Variants in SHANK2 observed in about 807,000 individuals in gnomAD.
SHANK2 encodes SH3 and multiple ankyrin repeat domains protein 2.
Under a neutral mutation model 133.7 loss-of-function variants are expected in SHANK2, and 43 were observed. The observed-to-expected ratio is 0.32, with a 90% CI of 0.25 to 0.41. The LOEUF (loss-of-function observed/expected upper bound fraction) is 0.41, where lower values mean the gene tolerates loss of function less well. Ranked by LOEUF, SHANK2 falls within the 10% of genes least tolerant of loss-of-function variation. The probability of loss-of-function intolerance (pLI) is 1.00; values close to 1 mark genes in which losing one functional copy is unlikely to be tolerated. For missense variants in SHANK2, 1,994 were observed against 2,235.8 expected, an observed-to-expected ratio of 0.89 and a Z score of 2.18; for synonymous variants, 1,017 against 952.8, an observed-to-expected ratio of 1.07 and a Z score of -1.24.
chr11:71,119,099 G>T (rs1415030483), intron 3 of SHANK2, 67 bp from the exon 4 acceptor site: 2 of 1,433,526 alleles, frequency 1.4e-6, no homozygotes, highest in Non-Finnish European at 1.9e-6. Context: ...CATGTGGGGC[G>T]CGTGGTCAGA....
intron 17 of SHANK2, among the ~76,000 whole-genome samples, chr11:70,572,023 G>T (rs1430940036): frequency 6.6e-6 from 1 of 152,320 alleles, no homozygotes; most frequent in South Asian, 2.1e-4. Context: ...CAGAGAGCTC[G>T]CTTCCACTTT....
intron 25 of SHANK2, among the ~76,000 whole-genome samples, chr11:70,481,653 C>T (rs1555151649): frequency 6.6e-6 from 1 of 152,218 alleles, no homozygotes; most frequent in African/African-American, 2.4e-5. Context: ...TTCAATTTTC[C>T]CTAGAAAAAC....
intron 2 of SHANK2, among the ~76,000 whole-genome samples, chr11:71,189,368 T>G (rs1279620253): frequency 4.6e-5 from 7 of 152,198 alleles, no homozygotes; most frequent in Non-Finnish European, 8.8e-5. Flanking sequence ...AGTTTCTCAG[T>G]AGAGAGAGTC....
chr11:70,599,919 G>GAC (rs1565166461), intron 17 of SHANK2, among the ~76,000 whole-genome samples: 1 of 59,170 alleles, frequency 1.7e-5, no homozygotes, highest in South Asian at 4.4e-4. Flanking sequence ...AAGAAAGAAA[G>GAC]AAAGAAAGAA....
intron 11 of SHANK2, among the ~76,000 whole-genome samples, chr11:70,887,358 A>AT (rs782434780): frequency 1.5e-5 from 1 of 67,590 alleles, no homozygotes; most frequent in Non-Finnish European, 2.8e-5. Flanking sequence ...CAGAGGTCCC[A>AT]TTTAATTTTT....
At chr11:70,862,167 G>A (rs1949269826) in intron 11 of SHANK2, among the ~76,000 whole-genome samples, 1 of 152,148 alleles carries the variant, frequency 6.6e-6, no homozygotes, top group Non-Finnish European at 1.5e-5. Context: ...TGGCACACCT[G>A]CCCAGTGCCC....
rs57633994 is a variant in SHANK2 at position 70,808,848 on chromosome 11, C to T, written c.1494-1677G>A. 9.1e-3 allele frequency among the ~76,000 whole-genome samples: 1,387 copies of T among 152,290 alleles called. 14 individuals carry two copies. The highest frequency in any genetic ancestry group is 0.031 in the African/African-American group (1,300 of 41,562). On this transcript the variant is annotated intron_variant, in intron 12 of 25. Transcript: ENST00000601538. The stretch of plus-strand genomic sequence containing the variant: ...CACTGTGAGCGTCAGTCACACTGGA[C>T]GAGGAAGCACCCAGGGCCTTCCATC...
chr11:70,860,485 G>A (rs1949241911), intron 11 of SHANK2, among the ~76,000 whole-genome samples: 1 of 152,224 alleles, frequency 6.6e-6, no homozygotes. Context: ...CCAACAGAGT[G>A]TGTATTTCGT....
intron 14 of SHANK2, among the ~76,000 whole-genome samples, chr11:70,718,700 C>CTTTT (rs60414874): frequency 4.6e-5 from 6 of 129,814 alleles, no homozygotes; most frequent in African/African-American, 1.6e-4. Context: ...AGCTCATTCT[C>CTTTT]TTTTTTTTTT....
At chr11:70,939,734 C>T (rs981067846) in intron 10 of SHANK2, among the ~76,000 whole-genome samples, 4 of 152,148 alleles carry the variant, frequency 2.6e-5, no homozygotes, top group Non-Finnish European at 5.9e-5. Context: ...GCAGCCCTCC[C>T]CGCTGCGTGG....
intron 6 of SHANK2, among the ~76,000 whole-genome samples, chr11:71,100,465 C>T (rs1440895436): frequency 2.6e-5 from 4 of 152,222 alleles, no homozygotes; most frequent in South Asian, 2.1e-4. Flanking sequence ...AGCCACAACA[C>T]GATACGAAGG....
At chr11:71,109,521 G>A (rs549338268) in intron 6 of SHANK2, among the ~76,000 whole-genome samples, 2 of 152,322 alleles carry the variant, frequency 1.3e-5, no homozygotes, top group South Asian at 4.1e-4. Flanking sequence ...TCCAGCAGGG[G>A]AATAAGATGC....
chr11:71,163,205 C>T (rs1391601792), intron 2 of SHANK2, among the ~76,000 whole-genome samples: 2 of 143,460 alleles, frequency 1.4e-5, no homozygotes, highest in East Asian at 3.9e-4. Context: ...GTCTACTTTT[C>T]TGTGTTTATA....
chr11:70,863,188 T>C (rs544120317), intron 11 of SHANK2: 23 of 374,798 alleles, frequency 6.1e-5, no homozygotes, highest in Non-Finnish European at 1.0e-4. Context: ...GTGAGAGAGG[T>C]CCCTGGTCAG....
At chr11:70,657,742 C>T (rs2061421551) in intron 17 of SHANK2, among the ~76,000 whole-genome samples, 2 of 152,198 alleles carry the variant, frequency 1.3e-5, no homozygotes, top group African/African-American at 4.8e-5. Flanking sequence ...GAATATAAAA[C>T]CTGCCCCAAA....
intron 17 of SHANK2, among the ~76,000 whole-genome samples, chr11:70,621,653 T>C (rs1283757712): frequency 6.6e-6 from 1 of 152,212 alleles, no homozygotes; most frequent in Non-Finnish European, 1.5e-5. Context: ...GGAGGTCTGA[T>C]ACGGTAGCCC....
In SHANK2 at chr11:70,846,556, T is replaced by G. The variant is rs374844593; in HGVS notation, c.1175-25874A>C. Among the ~76,000 whole-genome samples, 3 of 152,256 alleles carry G rather than the reference T, an allele frequency of 2.0e-5. No individual in the cohort carries two copies. The South Asian group carries it at 6.2e-4, about 32-fold the overall frequency. On this transcript the variant is annotated intron_variant, in intron 11 of 25. Transcript: ENST00000601538. ...TAGACATGAGCTGCTGCGCTCGGCC[T>G]CATCTGTCAATCAATAACAAGGATG...
intron 14 of SHANK2, among the ~76,000 whole-genome samples, chr11:70,732,271 C>T (rs1244658180): frequency 6.6e-6 from 1 of 152,236 alleles, no homozygotes; most frequent in African/African-American, 2.4e-5. Flanking sequence ...CACAGCCAAT[C>T]AGACAGCAAG....
intron 21 of SHANK2, among the ~76,000 whole-genome samples, chr11:70,493,629 C>T (rs887459685): frequency 2.0e-5 from 3 of 152,148 alleles, no homozygotes; most frequent in East Asian, 3.9e-4. Flanking sequence ...CTTCCAGTCG[C>T]GATGTGCATT....
Sources: allele counts gnomAD v4.1 joint callset (sites outside exome capture counted in the v4.1 genomes callset), GRCh38; gene constraint gnomAD v4.1.1; transcripts MANE v1.5; gene names NCBI Gene and HGNC (gene_info 2026-07-23, HGNC 2026-07-21).